Variants in RRM1 observed in about 807,000 individuals in gnomAD.
RRM1 encodes the protein ribonucleotide reductase catalytic subunit M1.
Under a neutral mutation model 101.5 loss-of-function variants are expected in RRM1, and 19 were observed. That is an observed-to-expected ratio of 0.19 (90% CI 0.13 to 0.27). The LOEUF (loss-of-function observed/expected upper bound fraction) is 0.27. Ranked by LOEUF, RRM1 falls within the 10% of genes least tolerant of loss-of-function variation. The pLI, the probability that RRM1 is intolerant of heterozygous loss-of-function variation, is 1.00. For synonymous variants in RRM1, 298 were observed against 323.4 expected, an observed-to-expected ratio of 0.92 and a Z score of 0.84; for missense variants, 500 against 962.9, an observed-to-expected ratio of 0.52 and a Z score of 6.36.
At chr11:4,123,136 G>GT (rs752418329) in intron 11 of RRM1, 47 bp from the exon 12 acceptor site, 6 of 1,449,230 alleles carry the variant, frequency 4.1e-6, no homozygotes, top group East Asian at 4.9e-5. Context: ...CTACAATAAA[G>GT]TTTTTTTAGG....
Position 4,138,566 on chromosome 11 carries a change from G to A in RRM1, c.*183G>A. ...TTTTTTTTTTAAACTCATATATTGG[G>A]ATTTTCACCAAAATAATGCTTTTGA... On this transcript the variant is annotated 3_prime_UTR_variant, in exon 19 of 19. Transcript: ENST00000300738. The A allele has an allele frequency of 5.1e-6, 2 of 389,006 alleles. No individual in the cohort carries two copies. The highest frequency in any genetic ancestry group is 1.4e-4 in the South Asian group (1 of 7,118). 24.1% of individuals were successfully genotyped at this position (389,006 alleles called of 1,614,324 possible).
intron 12 of RRM1, among the ~76,000 whole-genome samples, chr11:4,126,247 A>G (rs980801719): frequency 1.3e-5 from 2 of 152,228 alleles, no homozygotes; most frequent in Admixed American, 6.5e-5. Context: ...TCTGATGGCT[A>G]TTGAGCACTT....
chr11:4,119,922 G>A lies in RRM1; in HGVS notation c.870G>A (p.Gly290=), dbSNP rs1376825604. 8 of 1,578,386 alleles carry A rather than the reference G, an allele frequency of 5.1e-6. No individual in the cohort carries two copies. The highest frequency in any genetic ancestry group is 7.0e-6 in the Non-Finnish European group (8 of 1,147,398). ...CAGCTCGATATGTGGATCAAGGTGG[G>A]AACAAGGTATGCTCCATGAATTGAA... ...NNTARYVDQG[G]NKRPGAFAIY... Residue 290 remains glycine, a synonymous_variant, in exon 9 of 19, where the codon GGG becomes GGA. Coordinates refer to ENST00000300738, the MANE Select transcript of RRM1 (RefSeq NM_001033.5).
At chr11:4,124,016 T>C (rs2094585735) in intron 12 of RRM1, among the ~76,000 whole-genome samples, 1 of 152,132 alleles carries the variant, frequency 6.6e-6, no homozygotes, top group African/African-American at 2.4e-5. Context: ...GAGTGGTCTG[T>C]ATGATACACC....
chr11:4,109,194 A>G (rs1331566140), intron 4 of RRM1, among the ~76,000 whole-genome samples: 2 of 151,664 alleles, frequency 1.3e-5, no homozygotes, highest in African/African-American at 4.8e-5. Flanking sequence ...TACAGTTTGA[A>G]GTAGGCTAGC....
chr11:4,117,696 C>CTATA (rs2094575635), intron 7 of RRM1, among the ~76,000 whole-genome samples: 7 of 152,186 alleles, frequency 4.6e-5, no homozygotes, highest in Admixed American at 4.6e-4. Flanking sequence ...ACATCATTCT[C>CTATA]TATATTTTTC....
chr11:4,126,713 C>G lies in RRM1; in HGVS notation c.1350C>G (p.Ala450=). The G allele has an allele frequency of 6.2e-7, 1 of 1,611,202 alleles. No individual in the cohort carries two copies. The highest frequency in any genetic ancestry group is 8.5e-7 in the Non-Finnish European group (1 of 1,178,826). The change falls in exon 13 of 19, where the codon GCC becomes GCG. Residue 450 remains alanine (A), a synonymous_variant. Transcript: ENST00000300738. Reference sequence around the variant, plus strand: ...CTGTTTGTAATTTGGCTTCCCTGGCCCTGAATATGTATGTCACATCAGAAC... The same window carrying G: ...CTGTTTGTAATTTGGCTTCCCTGGCGCTGAATATGTATGTCACATCAGAAC... The part of the protein sequence containing the change: ...EVAVCNLASL[A]LNMYVTSEHT...
Position 4,128,161 on chromosome 11 carries a change from CTT to C in RRM1, c.1693-896_1693-895del, listed in dbSNP as rs146980476. Among the ~76,000 whole-genome samples the C allele has an allele frequency of 3.1e-3, 417 of 132,942 alleles. 1 individual carries two copies. The highest frequency in any genetic ancestry group is 0.01 in the African/African-American group (371 of 35,482). The allele number at this position is 132,942 out of a possible 152,430, so 87.2% of individuals were successfully genotyped here. On this transcript the variant is annotated intron_variant, in intron 14 of 18. Coordinates refer to ENST00000300738, the MANE Select transcript of RRM1 (RefSeq NM_001033.5). ...ATGTCCTCACCACCCCCCTGTCCCG[CTT>C]TTTTTTTTTTTTTTTTGAGACAGAG...
At chr11:4,108,152 A>C (rs1318773682) in intron 4 of RRM1, among the ~76,000 whole-genome samples, 2 of 152,200 alleles carry the variant, frequency 1.3e-5, no homozygotes, top group African/African-American at 4.8e-5. Flanking sequence ...ATGCTCAGCA[A>C]CTTAAAAATT....
chr11:4,110,303 C>T (rs1287728771), intron 5 of RRM1, among the ~76,000 whole-genome samples: 1 of 152,066 alleles, frequency 6.6e-6, no homozygotes, highest in African/African-American at 2.4e-5. Flanking sequence ...CAGGCACACA[C>T]CACCATGCCC....
chr11:4,112,313 A>T (rs1246122518), intron 7 of RRM1, among the ~76,000 whole-genome samples: 1 of 152,164 alleles, frequency 6.6e-6, no homozygotes, highest in East Asian at 1.9e-4. Context: ...ATTAAAAGCC[A>T]TTGAGTAGTA....
In RRM1 at chr11:4,129,063, G is replaced by A; in HGVS notation, c.1693-11G>A. On this transcript the variant is annotated splice_polypyrimidine_tract_variant and intron_variant, in intron 14 of 18. Transcript: ENST00000300738. ...TTGCTGTAGAATAAATTTGAGTTGTGTATTCCTTAGATTCTTCAGTATGAT... is the reference window on the plus strand; with the variant it reads ...TTGCTGTAGAATAAATTTGAGTTGTATATTCCTTAGATTCTTCAGTATGAT... 3 of 1,452,750 alleles carry A rather than the reference G, an allele frequency of 2.1e-6. No individual in the cohort carries two copies. Among genetic ancestry groups the A allele is most frequent in the African/African-American group, 2.9e-5 (2 of 69,018 alleles). The allele number at this position is 1,452,750 out of a possible 1,614,324, so 90.0% of individuals were successfully genotyped here.
intron 12 of RRM1, 37 bp from the exon 13 acceptor site, chr11:4,126,647 A>T (rs2094590032): frequency 6.3e-7 from 1 of 1,577,994 alleles, no homozygotes; most frequent in Non-Finnish European, 8.6e-7. Context: ...GTAGAAATAA[A>T]AATTGTGTGA....
At chr11:4,099,383 T>G (rs1326694145) in intron 1 of RRM1, 1 of 146,410 alleles carries the variant, frequency 6.8e-6, no homozygotes, top group Non-Finnish European at 1.5e-5. Context: ...CCTCAGGTGA[T>G]CCGCCTGCTT....
At chr11:4,126,135 C>T (rs549423263) in intron 12 of RRM1, among the ~76,000 whole-genome samples, 2 of 152,288 alleles carry the variant, frequency 1.3e-5, no homozygotes, top group Middle Eastern at 6.8e-3. Flanking sequence ...TCAGAAATCA[C>T]AAATTGAGAT....
chr11:4,094,770 C>T, upstream of RRM1: 2 of 583,498 alleles, frequency 3.4e-6, no homozygotes, highest in Non-Finnish European at 6.2e-6. Context: ...GCCGCAGCGT[C>T]GAGTAACGTC....
chr11:4,113,095 C>T (rs1462686738), intron 7 of RRM1, among the ~76,000 whole-genome samples: 2 of 149,254 alleles, frequency 1.3e-5, no homozygotes, highest in Non-Finnish European at 3.0e-5. Flanking sequence ...AGAAAAGGAA[C>T]ACTAACGGTC....
At chr11:4,107,855 T>C (rs370396689) in intron 4 of RRM1, among the ~76,000 whole-genome samples, 2 of 152,238 alleles carry the variant, frequency 1.3e-5, no homozygotes, top group Non-Finnish European at 2.9e-5. Context: ...ATATCAGCCT[T>C]TATGAATTTA....
intron 5 of RRM1, among the ~76,000 whole-genome samples, chr11:4,111,001 T>C (rs1158347414): frequency 6.6e-6 from 1 of 151,910 alleles, no homozygotes; most frequent in Non-Finnish European, 1.5e-5. Context: ...ATGATGATGA[T>C]GAATACTACA....
Sources: allele counts gnomAD v4.1 joint callset (sites outside exome capture counted in the v4.1 genomes callset), GRCh38; gene constraint gnomAD v4.1.1; transcripts MANE v1.5; gene names NCBI Gene and HGNC (gene_info 2026-07-23, HGNC 2026-07-21).